The following INPP5A variants were observed in gnomAD, a reference collection of about 807,000 sequenced individuals.
INPP5A encodes 43 kDa inositol polyphosphate 5-phophatase.
A neutral mutation model predicts 65.2 loss-of-function variants in INPP5A; 14 were observed. The observed-to-expected ratio is 0.21, with a 90% CI of 0.14 to 0.34. The LOEUF (loss-of-function observed/expected upper bound fraction) is 0.34, where lower values mean the gene tolerates loss of function less well. INPP5A is among the 10% of genes least tolerant of loss of function. The probability of loss-of-function intolerance (pLI) is 1.00; values close to 1 mark genes in which losing one functional copy is unlikely to be tolerated. For synonymous variants in INPP5A, 207 were observed against 208.3 expected (o/e 0.99, Z 0.05); for missense variants, 431 against 545.6 (o/e 0.79, Z 2.09).
At chr10:132,729,525 C>G (rs1349115780) in intron 9 of INPP5A, among the ~76,000 whole-genome samples, 1 of 152,240 alleles carries the variant, frequency 6.6e-6, no homozygotes, top group African/African-American at 2.4e-5. Context: ...TCAGTGGGCT[C>G]TCCGGACCTT....
rs1219552782 is a variant in INPP5A, at chr10:132,762,243, C to T, written c.904-3530C>T. On this transcript the variant is annotated intron_variant, in intron 11 of 15. Coordinates refer to ENST00000368594, the MANE Select transcript of INPP5A (RefSeq NM_005539.5). This position sits in a 1 kb window ranked among gnomAD's most constrained non-coding sequence, Gnocchi z 4.6. ...TTTCCAGAATTATCCAAGACATAAA[C>T]CTCAGGAAGCATGGTGAGTCCTGAG... 2.6e-5 allele frequency among the ~76,000 whole-genome samples: 4 copies of T among 152,128 alleles called. No individual in the cohort carries two copies. In the East Asian group the frequency reaches 7.7e-4, roughly 29 times the overall value.
At chr10:132,776,788 G>A (rs935193157) in intron 12 of INPP5A, among the ~76,000 whole-genome samples, 3 of 152,148 alleles carry the variant, frequency 2.0e-5, no homozygotes, top group African/African-American at 7.2e-5. Flanking sequence ...GCCCGGAAGT[G>A]GGGGCTGTGC....
rs2071025230 is a variant in INPP5A at position 132,549,680 on chromosome 10, C to A, written c.75+11509C>A. On this transcript the variant is annotated intron_variant, in intron 1 of 15. Transcript: ENST00000368594. This position sits in a 1 kb window ranked among gnomAD's most constrained non-coding sequence, Gnocchi z 4.9. ...GACAGGTGCGTGTCCTGGAGCTCTG[C>A]AGCTGCAGGGCGGGAGCCGGGGCTT... Among the ~76,000 whole-genome samples the A allele has an allele frequency of 6.6e-6, 1 of 152,212 alleles. No homozygotes were observed. Among genetic ancestry groups the A allele is most frequent in the Admixed American group, 6.5e-5 (1 of 15,284 alleles).
At chr10:132,591,198 A>G (rs1026289699) in intron 1 of INPP5A, among the ~76,000 whole-genome samples, 4 of 152,228 alleles carry the variant, frequency 2.6e-5, no homozygotes, top group Non-Finnish European at 5.9e-5. Context: ...TATATTGCAA[A>G]TATTTTCAAC....
intron 9 of INPP5A, among the ~76,000 whole-genome samples, chr10:132,729,346 G>C (rs1846041699): frequency 6.6e-6 from 1 of 152,088 alleles, no homozygotes; most frequent in African/African-American, 2.4e-5. Context: ...AACCCTCATG[G>C]GTCACTGTCA....
At chr10:132,600,370 C>G (rs1472355571) in intron 1 of INPP5A, among the ~76,000 whole-genome samples, 1 of 152,212 alleles carries the variant, frequency 6.6e-6, no homozygotes, top group Non-Finnish European at 1.5e-5. Context: ...TAAAACATAA[C>G]AAGGGTCACC....
intron 1 of INPP5A, among the ~76,000 whole-genome samples, chr10:132,583,027 G>A (rs1216790118): frequency 6.6e-6 from 1 of 152,198 alleles, no homozygotes; most frequent in Non-Finnish European, 1.5e-5. Context: ...GCGGGGGAGT[G>A]ATGTCTTCAC....
chr10:132,679,447 C>T (rs1034596944), intron 4 of INPP5A, among the ~76,000 whole-genome samples: 5 of 152,002 alleles, frequency 3.3e-5, no homozygotes, highest in Admixed American at 6.6e-5. Context: ...AAGAGCTGCC[C>T]GCTGGAAGAT....
chr10:132,596,912 T>TGCATGTGTGCGTGCATGTGCAC (rs1564928902), intron 1 of INPP5A, among the ~76,000 whole-genome samples: 1 of 53,104 alleles, frequency 1.9e-5, no homozygotes, highest in African/African-American at 4.1e-5. Flanking sequence ...TGTGCATGTG[T>TGCATGTGTGCGTGCATGTGCAC]GCATGTGTGC....
rs879837659 is a variant in INPP5A at position 132,707,738 on chromosome 10, G to A, written c.475-575G>A. Reference sequence around the variant, plus strand: ...GGGGGTACTTTTAGACCAGAGCTCAGGCTCTACGTTCGGTGGCTCTGCTAG... The same window carrying A: ...GGGGGTACTTTTAGACCAGAGCTCAAGCTCTACGTTCGGTGGCTCTGCTAG... On this transcript the variant is annotated intron_variant, in intron 6 of 15. Transcript: ENST00000368594. The surrounding 1 kb of genome is among the most constrained non-coding windows in gnomAD (Gnocchi z 5.5). 2.0e-5 allele frequency among the ~76,000 whole-genome samples: 3 copies of A among 152,220 alleles called. No individual in the cohort carries two copies. Among genetic ancestry groups the A allele is most frequent in the Non-Finnish European group, 4.4e-5 (3 of 68,042 alleles).
chr10:132,716,852 G>A (rs1253135357), intron 8 of INPP5A, among the ~76,000 whole-genome samples: 1 of 152,254 alleles, frequency 6.6e-6, no homozygotes, highest in African/African-American at 2.4e-5. Flanking sequence ...CCGAAGGAGA[G>A]CCCTGCACAG....
chr10:132,682,613 G>A (rs1293541998), intron 4 of INPP5A, among the ~76,000 whole-genome samples: 1 of 152,266 alleles, frequency 6.6e-6, no homozygotes, highest in Non-Finnish European at 1.5e-5. Flanking sequence ...GAGGGGCAAC[G>A]TGGTGGTGCC....
intron 2 of INPP5A, among the ~76,000 whole-genome samples, chr10:132,612,162 C>A (rs80091829): frequency 0.017 from 2,191 of 128,014 alleles, 27 homozygotes; most frequent in South Asian, 0.045. Flanking sequence ...GTGGGAGAGG[C>A]CCTGTCAGAG....
intron 1 of INPP5A, among the ~76,000 whole-genome samples, chr10:132,557,931 C>T (rs764516965): frequency 6.6e-6 from 1 of 152,224 alleles, no homozygotes; most frequent in Non-Finnish European, 1.5e-5. Flanking sequence ...TCAGTCTGTC[C>T]CGCGTGCCCG....
chr10:132,601,339 T>C (rs558966180), intron 1 of INPP5A, among the ~76,000 whole-genome samples: 8 of 152,332 alleles, frequency 5.3e-5, no homozygotes, highest in Admixed American at 2.6e-4. Context: ...CTATTTTTAA[T>C]GGGGTTGTAT....
At position 132,546,137 on chromosome 10, in the gene INPP5A, G is replaced by A. The variant is rs921357284; in HGVS notation, c.75+7966G>A. 1.3e-5 allele frequency among the ~76,000 whole-genome samples: 2 copies of A among 152,234 alleles called. No individual in the cohort carries two copies. The highest frequency in any genetic ancestry group is 4.8e-5 in the African/African-American group (2 of 41,464). On this transcript the variant is annotated intron_variant, in intron 1 of 15. Transcript: ENST00000368594. The surrounding 1 kb of genome is among the most constrained non-coding windows in gnomAD (Gnocchi z 5.7). ...CACGCCATGTGCTCATGTGACCGAG[G>A]ACGCTTCCGAGGATGTGGAAGCCAC...
intron 1 of INPP5A, among the ~76,000 whole-genome samples, chr10:132,607,525 G>T (rs2071873334): frequency 6.6e-6 from 1 of 152,284 alleles, no homozygotes; most frequent in Non-Finnish European, 1.5e-5. Context: ...TCAGGCAGGG[G>T]CGGGTGTGGA....
At chr10:132,757,417 G>A (rs558770709) in intron 11 of INPP5A, among the ~76,000 whole-genome samples, 77 of 152,346 alleles carry the variant, frequency 5.1e-4, no homozygotes, top group African/African-American at 1.7e-3. Context: ...GTTCAGATGC[G>A]CAGGTACTTA....
intron 12 of INPP5A, among the ~76,000 whole-genome samples, chr10:132,774,102 G>A (rs909173986): frequency 6.6e-6 from 1 of 152,140 alleles, no homozygotes; most frequent in African/African-American, 2.4e-5. Context: ...TCCTTCTCCC[G>A]CTCGGTAGCT....
Sources: allele counts gnomAD v4.1 joint callset (sites outside exome capture counted in the v4.1 genomes callset), GRCh38; gene constraint gnomAD v4.1.1; non-coding constraint Gnocchi (gnomAD v3.1); transcripts MANE v1.5; gene names NCBI Gene and HGNC (gene_info 2026-07-23, HGNC 2026-07-21).